The following SORD variants were observed in gnomAD, a reference collection of about 807,000 sequenced individuals.
SORD encodes the protein (R,R)-butanediol dehydrogenase.
In SORD, 18 loss-of-function variants were observed where a neutral mutation model predicts 35.6. That is an observed-to-expected ratio of 0.51 (90% confidence interval 0.35 to 0.75). The LOEUF is 0.75. SORD is among the 30% of genes least tolerant of loss of function. The pLI, the probability that SORD is intolerant of heterozygous loss-of-function variation, is 0.01. For missense variants in SORD, 250 were observed against 390.2 expected (o/e 0.64, Z 3.03); for synonymous variants, 106 against 152.9 (o/e 0.69, Z 2.26).
At position 45,023,351 on chromosome 15, in the gene SORD, T is replaced by G. The variant is rs746374679; in HGVS notation, c.66+2T>G. 1.3e-6 allele frequency: 2 copies of G among 1,571,450 alleles called. No homozygotes were observed. The highest frequency in any genetic ancestry group is 3.6e-5 in the Admixed American group (2 of 55,126). On this transcript the variant is annotated splice_donor_variant, in intron 1 of 8. Transcript: ENST00000267814. LOFTEE classifies it high-confidence loss of function. Reference sequence around the variant, plus strand: ...CACGGACCGGGGGACTTGCGCCTGGTAAGCTGGGAAGGAGGGTGGGAAGCA... The same window carrying G: ...CACGGACCGGGGGACTTGCGCCTGGGAAGCTGGGAAGGAGGGTGGGAAGCA...
At position 45,073,511 on chromosome 15, in the gene SORD, C is replaced by G. The variant is rs772184703; in HGVS notation, c.1055C>G (p.Pro352Arg). Residue 352 changes from proline (P) to arginine (R), a missense_variant, in exon 9 of 9, where the codon CCC (proline) becomes CGC (arginine). Physicochemically the swap from Pro to Arg is moderately radical, Grantham distance 103. Coordinates refer to ENST00000267814, the MANE Select transcript of SORD (RefSeq NM_003104.6). ...TTGAAAATCATGCTCAAGTGTGACC[C>G]CAGTGACCAGAATCCCTGATGTTAA... ...LGLKIMLKCD[P>R]SDQNP The G allele has an allele frequency of 1.9e-6, 3 of 1,575,820 alleles. No homozygotes were observed. Among genetic ancestry groups the G allele is most frequent in the Non-Finnish European group, 1.7e-6 (2 of 1,167,714 alleles).
At chr15:45,064,205 C>T (rs971374490) in intron 4 of SORD, among the ~76,000 whole-genome samples, 1 of 151,856 alleles carries the variant, frequency 6.6e-6, no homozygotes, top group Non-Finnish European at 1.5e-5. Flanking sequence ...ATTAGCTACA[C>T]AGCTGCTCAT....
At position 45,042,601 on chromosome 15, in the gene SORD, C is replaced by T. The variant is rs1892985760; in HGVS notation, c.101-656C>T. The T allele has an allele frequency of 2.0e-5, 3 of 152,346 alleles. 1 individual carries two copies. The highest frequency in any genetic ancestry group is 1.3e-4 in the Admixed American group (2 of 15,280). The allele number at this position is 152,346 out of a possible 1,614,324, so 9.4% of individuals were successfully genotyped here. A position where few individuals can be genotyped will look rare whatever the true frequency, so the allele number is the denominator to read the frequency against. Reference sequence around the variant, plus strand: ...AAATGTTGCCAAGCTGAGATTCTACCAGACCTTTTCTCATAAATAGATACG... The same window carrying T: ...AAATGTTGCCAAGCTGAGATTCTACTAGACCTTTTCTCATAAATAGATACG... On this transcript the variant is annotated intron_variant, in intron 2 of 8. Coordinates refer to ENST00000267814, the MANE Select transcript of SORD (RefSeq NM_003104.6).
At chr15:45,047,114 C>G (rs1893057478) in intron 3 of SORD, 2 of 152,054 alleles carry the variant, frequency 1.3e-5, no homozygotes, top group Non-Finnish European at 2.9e-5. Flanking sequence ...TAAGACTAGT[C>G]AAGTGCAGTA....
chr15:45,070,030 G>T (rs1464171749), intron 7 of SORD: 2 of 152,116 alleles, frequency 1.3e-5, no homozygotes, highest in East Asian at 1.9e-4. Context: ...CCTACTGTAC[G>T]CCAGGTTCTC....
intron 3 of SORD, among the ~76,000 whole-genome samples, chr15:45,060,407 G>T (rs1312188952): frequency 6.6e-6 from 1 of 152,086 alleles, no homozygotes; most frequent in Non-Finnish European, 1.5e-5. Context: ...TTCCAAGCAG[G>T]TGTAGTGAGG....
chr15:45,036,335 C>T (rs1892865156), intron 1 of SORD: 3 of 455,904 alleles, frequency 6.6e-6, no homozygotes, highest in Admixed American at 2.4e-5. Flanking sequence ...GGAAAACTCA[C>T]ACAACTATGG....
At chr15:45,054,348 G>A (rs1893177961) in intron 3 of SORD, among the ~76,000 whole-genome samples, 1 of 151,972 alleles carries the variant, frequency 6.6e-6, no homozygotes, top group African/African-American at 2.4e-5. Context: ...TAACTGGTGT[G>A]AGATGGTATC....
intron 2 of SORD, among the ~76,000 whole-genome samples, chr15:45,041,443 GTCC>G (rs1445487843): frequency 6.6e-6 from 1 of 151,854 alleles, no homozygotes; most frequent in Non-Finnish European, 1.5e-5. Context: ...TTCCCACTTT[GTCC>G]TACCTCACAC....
At chr15:45,069,366 C>G (rs1285731890) in intron 7 of SORD, among the ~76,000 whole-genome samples, 3 of 151,786 alleles carry the variant, frequency 2.0e-5, no homozygotes, top group African/African-American at 7.3e-5. Context: ...GCCACCATGC[C>G]CAGCTAAGTT....
At chr15:45,072,631 G>A (rs532717323) in intron 8 of SORD, among the ~76,000 whole-genome samples, 193 bp downstream of exon 8, 1 of 148,052 alleles carries the variant, frequency 6.8e-6, no homozygotes, top group South Asian at 2.1e-4. Context: ...GGGAGGAACA[G>A]AAGGATGGAT....
At chr15:45,066,329 T>C (rs937704887) in intron 5 of SORD, among the ~76,000 whole-genome samples, 47 of 152,124 alleles carry the variant, frequency 3.1e-4, no homozygotes, top group African/African-American at 1.1e-3. Flanking sequence ...TTTTTTCTTT[T>C]GAGACAGAGT....
At chr15:45,052,785 T>G (rs953452959) in intron 3 of SORD, among the ~76,000 whole-genome samples, 1 of 151,956 alleles carries the variant, frequency 6.6e-6, no homozygotes, top group African/African-American at 2.4e-5. Context: ...CAGTCATGGA[T>G]AAAAATGAGC....
intron 1 of SORD, among the ~76,000 whole-genome samples, chr15:45,033,985 T>G (rs1484581002): frequency 1.3e-5 from 2 of 152,232 alleles, no homozygotes; most frequent in Non-Finnish European, 2.9e-5. Context: ...TTTGGGTTTT[T>G]AATTCTGTTC....
intron 7 of SORD, chr15:45,069,966 A>G (rs1230875769): frequency 6.6e-6 from 1 of 152,170 alleles, no homozygotes; most frequent in Non-Finnish European, 1.5e-5. Flanking sequence ...AGTGTCATTG[A>G]CAGATCAAAG....
chr15:45,031,323 C>T (rs1464327257), intron 1 of SORD, among the ~76,000 whole-genome samples: 2 of 86,174 alleles, frequency 2.3e-5, no homozygotes, highest in African/African-American at 2.4e-4. Flanking sequence ...ACAACAACAA[C>T]GACAAAAAAA....
At chr15:45,025,817 G>A (rs112767360) in intron 1 of SORD, among the ~76,000 whole-genome samples, 1 of 152,132 alleles carries the variant, frequency 6.6e-6, no homozygotes, top group African/African-American at 2.4e-5. Flanking sequence ...ATGTGTCAGG[G>A]AGGCTTGGTT....
chr15:45,045,015 T>A (rs974907294), intron 3 of SORD, among the ~76,000 whole-genome samples: 2 of 152,130 alleles, frequency 1.3e-5, no homozygotes, highest in Admixed American at 6.5e-5. Context: ...TTCATTCTTG[T>A]AACAATTCTA....
chr15:45,025,104 C>T (rs1409178973), intron 1 of SORD, among the ~76,000 whole-genome samples: 2 of 152,188 alleles, frequency 1.3e-5, no homozygotes, highest in African/African-American at 2.4e-5. Context: ...TGCATTAGAA[C>T]CCACTCTCTG....
Sources: allele counts gnomAD v4.1 joint callset (sites outside exome capture counted in the v4.1 genomes callset), GRCh38; gene constraint gnomAD v4.1.1; transcripts MANE v1.5; gene names NCBI Gene and HGNC (gene_info 2026-07-23, HGNC 2026-07-21).